The following PCDH9 variants were observed in gnomAD, a reference collection of about 807,000 sequenced individuals.
PCDH9 encodes the protein protocadherin-9.
Under a neutral mutation model 70.6 loss-of-function variants are expected in PCDH9, and 24 were observed. That is an observed-to-expected ratio of 0.34 (90% confidence interval 0.25 to 0.48). The LOEUF (loss-of-function observed/expected upper bound fraction) is 0.48, where lower values mean the gene tolerates loss of function less well. PCDH9 is among the 20% of genes least tolerant of loss of function. The pLI is 0.99. For missense variants in PCDH9, 1,281 were observed against 1,503.6 expected, an observed-to-expected ratio of 0.85 and a Z score of 2.45; for synonymous variants, 562 against 558.5, an observed-to-expected ratio of 1.01 and a Z score of -0.09.
chr13:67,163,724 C>T (rs1443819814), intron 2 of PCDH9, among the ~76,000 whole-genome samples: 3 of 152,196 alleles, frequency 2.0e-5, no homozygotes, highest in Non-Finnish European at 4.4e-5. Flanking sequence ...TATGCGATCA[C>T]TTGTAACTTA....
intron 4 of PCDH9, among the ~76,000 whole-genome samples, chr13:66,405,463 C>T (rs77520009): frequency 0.045 from 6,894 of 152,146 alleles, 242 homozygotes; most frequent in Non-Finnish European, 0.07. Flanking sequence ...ATATGGGCAC[C>T]GACCAAAGGA....
intron 4 of PCDH9, among the ~76,000 whole-genome samples, chr13:66,558,977 C>G (rs1961870796): frequency 6.6e-6 from 1 of 152,110 alleles, no homozygotes; most frequent in Non-Finnish European, 1.5e-5. Context: ...GCTTCAATGG[C>G]AGAGCTGACA....
At chr13:67,097,694 T>G (rs1391011279) in intron 2 of PCDH9, among the ~76,000 whole-genome samples, 2 of 151,418 alleles carry the variant, frequency 1.3e-5, no homozygotes, top group African/African-American at 4.9e-5. Context: ...ATTTTAACAT[T>G]CTGGCATCTA....
chr13:67,162,128 A>G (rs1364237398), intron 2 of PCDH9, among the ~76,000 whole-genome samples: 1 of 152,150 alleles, frequency 6.6e-6, no homozygotes, highest in African/African-American at 2.4e-5. Flanking sequence ...TTCAGGCTAA[A>G]TTTTCCTTGG....
intron 2 of PCDH9, among the ~76,000 whole-genome samples, chr13:67,155,781 A>T (rs1008223862): frequency 6.6e-6 from 1 of 151,928 alleles, no homozygotes; most frequent in Admixed American, 6.6e-5. Context: ...GAATAATAAT[A>T]ATAATTATTA....
At chr13:66,695,496 T>C (rs1454681947) in intron 3 of PCDH9, among the ~76,000 whole-genome samples, 1 of 152,226 alleles carries the variant, frequency 6.6e-6, no homozygotes, top group African/African-American at 2.4e-5. Flanking sequence ...TTACTTTATG[T>C]ACACTAGTTA....
intron 3 of PCDH9, among the ~76,000 whole-genome samples, chr13:66,748,712 A>C (rs796183382): frequency 3.3e-5 from 5 of 152,328 alleles, no homozygotes; most frequent in African/African-American, 1.2e-4. Context: ...GTTTATAATC[A>C]TCGTTATCAC....
intron 4 of PCDH9, among the ~76,000 whole-genome samples, chr13:66,432,103 T>C (rs1405876553): frequency 6.6e-6 from 1 of 152,064 alleles, no homozygotes; most frequent in Admixed American, 6.6e-5. Context: ...AAACTGGGTA[T>C]ATTTAAACAT....
chr13:66,820,114 T>C (rs2080683693), intron 3 of PCDH9, among the ~76,000 whole-genome samples: 1 of 152,110 alleles, frequency 6.6e-6, no homozygotes, highest in Admixed American at 6.6e-5. Context: ...ATACATTCCA[T>C]ATATTAGGAT....
At chr13:66,306,227 GTCT>G (rs1384438116) in intron 4 of PCDH9, 1 of 151,622 alleles carries the variant, frequency 6.6e-6, no homozygotes, top group African/African-American at 2.4e-5. Context: ...TGGAATGTAG[GTCT>G]TTGCTAAAAC....
At chr13:66,800,951 T>C (rs1278413212) in intron 3 of PCDH9, among the ~76,000 whole-genome samples, 1 of 151,834 alleles carries the variant, frequency 6.6e-6, no homozygotes, top group Non-Finnish European at 1.5e-5. Flanking sequence ...TTACCTCTTG[T>C]TATTACTATT....
chr13:67,197,513 G>T (rs1424873798), intron 2 of PCDH9, among the ~76,000 whole-genome samples: 1 of 151,898 alleles, frequency 6.6e-6, no homozygotes, highest in Non-Finnish European at 1.5e-5. Flanking sequence ...TTGTTACTCA[G>T]GGCCACAGGC....
At chr13:67,006,951 GA>G (rs1156733673) in intron 2 of PCDH9, among the ~76,000 whole-genome samples, 1 of 152,054 alleles carries the variant, frequency 6.6e-6, no homozygotes, top group Admixed American at 6.6e-5. Context: ...ATTTCAAAAG[GA>G]AAATACTTTT....
At chr13:67,150,597 G>A (rs1467762505) in intron 2 of PCDH9, among the ~76,000 whole-genome samples, 2 of 152,154 alleles carry the variant, frequency 1.3e-5, no homozygotes, top group Admixed American at 1.3e-4. Flanking sequence ...AGTATTTTAA[G>A]TCATGTGATT....
intron 4 of PCDH9, among the ~76,000 whole-genome samples, chr13:66,503,209 T>C (rs1959186123): frequency 6.6e-6 from 1 of 152,232 alleles, no homozygotes; most frequent in Non-Finnish European, 1.5e-5. Context: ...TATCACATCA[T>C]TCTTAAGCGA....
chr13:66,876,963 T>C (rs1056463410), intron 3 of PCDH9: 1 of 152,026 alleles, frequency 6.6e-6, no homozygotes, highest in African/African-American at 2.4e-5. Flanking sequence ...ACCTATCTCA[T>C]AGATTTAACT....
chr13:66,900,978 C>T (rs2082267697), intron 3 of PCDH9, among the ~76,000 whole-genome samples: 1 of 151,528 alleles, frequency 6.6e-6, no homozygotes, highest in Non-Finnish European at 1.5e-5. Flanking sequence ...TTATAATCAC[C>T]TTTCATTGTT....
At chr13:66,938,835 A>G (rs1417840426) in intron 2 of PCDH9, among the ~76,000 whole-genome samples, 1 of 152,156 alleles carries the variant, frequency 6.6e-6, no homozygotes, top group African/African-American at 2.4e-5. Context: ...CAAACTTCAT[A>G]TATGTAGATC....
chr13:66,428,851 A>T lies in PCDH9; in HGVS notation c.3341-123823T>A, dbSNP rs116881873. ...CAAACAGAAATTAAAGTATATATTC[A>T]ACCTTTTAAAAATGATATGCCCCAA... is the stretch of plus-strand genomic sequence containing the variant. On this transcript the variant is annotated intron_variant, in intron 4 of 4. Coordinates refer to ENST00000377865, the MANE Select transcript of PCDH9 (RefSeq NM_203487.3). Among the ~76,000 whole-genome samples the T allele has an allele frequency of 5.9e-3, 896 of 151,956 alleles. 6 individuals carry two copies. Among genetic ancestry groups the T allele is most frequent in the Admixed American group, 8.9e-3 (135 of 15,226 alleles).
Sources: allele counts gnomAD v4.1 joint callset (sites outside exome capture counted in the v4.1 genomes callset), GRCh38; gene constraint gnomAD v4.1.1; transcripts MANE v1.5; gene names NCBI Gene and HGNC (gene_info 2026-07-23, HGNC 2026-07-21).